Variants in EFR3A observed in about 807,000 individuals in gnomAD.
EFR3A encodes protein EFR3 homolog A.
EFR3A carries 76 observed loss-of-function variants against 104.4 expected under a neutral mutation model. The ratio of observed to expected loss-of-function variants is 0.73; its 90% confidence interval spans 0.60 to 0.88. The LOEUF (loss-of-function observed/expected upper bound fraction) is 0.88, where lower values mean the gene tolerates loss of function less well. EFR3A is among the 40% of genes least tolerant of loss of function. EFR3A has a pLI of 0.00. For missense variants in EFR3A, 985 were observed against 1,012.5 expected, an observed-to-expected ratio of 0.97 and a Z score of 0.37; for synonymous variants, 330 against 330.0, an observed-to-expected ratio of 1.00 and a Z score of 0.00.
chr8:131,968,490 T>C lies in EFR3A; in HGVS notation c.991+60T>C. ...GATCTGGTTCAAAGTGTCCTTTCAG[T>C]ATGCATAGCAGTGTATGAAGAACTC... On this transcript the variant is annotated intron_variant, in intron 9 of 22. Coordinates refer to ENST00000254624, the MANE Select transcript of EFR3A (RefSeq NM_015137.6). 2.6e-6 allele frequency: 4 copies of C among 1,526,378 alleles called. No individual in the cohort carries two copies. The East Asian group carries it at 6.8e-5, about 26-fold the overall frequency. 94.6% of individuals were successfully genotyped at this position (1,526,378 alleles called of 1,614,324 possible). A position where few individuals can be genotyped will look rare whatever the true frequency, so the allele number is the denominator to read the frequency against.
In EFR3A at chr8:131,970,600, CAAT is replaced by C. The variant is rs749649632; in HGVS notation, c.1117_1119del (p.Asn373del). ...TCAACTTAAATACAAGTTCCAAAGA[CAAT>C]GATGAGAAGATTGTGCAGAATGCTA... On this transcript the variant is annotated inframe_deletion, in exon 10 of 23. Transcript: ENST00000254624. 13 of 1,613,798 alleles carry C rather than the reference CAAT, an allele frequency of 8.1e-6. No individual in the cohort carries two copies. The highest frequency in any genetic ancestry group is 6.7e-5 in the East Asian group (3 of 44,842).
chr8:131,906,430 A>T (rs561194302), intron 1 of EFR3A, among the ~76,000 whole-genome samples: 1 of 152,342 alleles, frequency 6.6e-6, no homozygotes, highest in African/African-American at 2.4e-5. Flanking sequence ...AGTTTTAATT[A>T]AAATCAAAGG....
intron 1 of EFR3A, chr8:131,938,235 A>T: frequency 2.5e-6 from 1 of 397,980 alleles, no homozygotes; most frequent in Non-Finnish European, 4.4e-6. Flanking sequence ...ATGAAGGACT[A>T]TGTTCAGGTA....
chr8:131,986,149 G>A (rs777378937), intron 16 of EFR3A, 45 bp from the exon 17 acceptor site: 7 of 1,035,828 alleles, frequency 6.8e-6, no homozygotes, highest in Admixed American at 1.9e-5. Flanking sequence ...AAGGTACTGA[G>A]GGGTAGGGTT....
intron 14 of EFR3A, among the ~76,000 whole-genome samples, chr8:131,980,559 T>C (rs1302924620): frequency 1.3e-5 from 2 of 152,100 alleles, no homozygotes; most frequent in African/African-American, 2.4e-5. Flanking sequence ...ATTATATACA[T>C]TTATGGGATA....
chr8:132,010,407 G>GAT (rs66644698), intron 22 of EFR3A, among the ~76,000 whole-genome samples: 1,896 of 81,266 alleles, frequency 0.023, 16 homozygotes, highest in Non-Finnish European at 0.029. Context: ...TCAAGTATGA[G>GAT]ATATATATAT....
intron 5 of EFR3A, 44 bp downstream of exon 5, chr8:131,950,134 G>C (rs780677667): frequency 6.6e-7 from 1 of 1,518,080 alleles, no homozygotes; most frequent in Non-Finnish European, 8.9e-7. Flanking sequence ...GTAATTTAGA[G>C]ATTAATATTG....
chr8:131,991,993 G>T (rs570595027), intron 18 of EFR3A, among the ~76,000 whole-genome samples: 4 of 152,126 alleles, frequency 2.6e-5, no homozygotes, highest in African/African-American at 7.2e-5. Context: ...TGATTTTGCC[G>T]CTCAGTGACC....
chr8:131,987,835 A>G (rs1820969939), intron 18 of EFR3A, 133 bp downstream of exon 18: 5 of 923,694 alleles, frequency 5.4e-6, no homozygotes, highest in Non-Finnish European at 7.9e-6. Context: ...TCAAATGCTT[A>G]AGAGTATTTA....
intron 1 of EFR3A, among the ~76,000 whole-genome samples, chr8:131,905,581 G>A (rs894987315): frequency 3.9e-5 from 6 of 152,146 alleles, no homozygotes; most frequent in Non-Finnish European, 5.9e-5. Context: ...ACACTACTGT[G>A]TGTCCTTAAC....
chr8:131,908,169 T>C (rs1816343152), intron 1 of EFR3A, among the ~76,000 whole-genome samples: 1 of 152,038 alleles, frequency 6.6e-6, no homozygotes, highest in Non-Finnish European at 1.5e-5. Flanking sequence ...CAAGCAGTTC[T>C]CCTGTCTCAG....
At chr8:131,924,508 T>C (rs1257586397) in intron 1 of EFR3A, among the ~76,000 whole-genome samples, 1 of 152,150 alleles carries the variant, frequency 6.6e-6, no homozygotes, top group African/African-American at 2.4e-5. Flanking sequence ...CATTATATGC[T>C]TGTACAGCTA....
At chr8:131,987,473 A>G (rs1820944172) in intron 17 of EFR3A, 102 bp from the exon 18 acceptor site, 3 of 1,270,816 alleles carry the variant, frequency 2.4e-6, no homozygotes, top group Non-Finnish European at 3.2e-6. Context: ...TTGTGTTTAT[A>G]TTTAGAATAT....
At chr8:131,986,293 G>A in intron 17 of EFR3A, 32 bp downstream of exon 17, 3 of 1,162,784 alleles carry the variant, frequency 2.6e-6, no homozygotes, top group Non-Finnish European at 1.3e-6. Context: ...TAAGGATGGG[G>A]TACTGACTTG....
chr8:131,998,338 CTT>C (rs1213352750), intron 19 of EFR3A, among the ~76,000 whole-genome samples: 1 of 152,014 alleles, frequency 6.6e-6, no homozygotes, highest in African/African-American at 2.4e-5. Context: ...TAAAAAATAA[CTT>C]TTTTGTTTGA....
intron 18 of EFR3A, among the ~76,000 whole-genome samples, chr8:131,993,399 A>C (rs1821305866): frequency 6.6e-6 from 1 of 152,182 alleles, no homozygotes; most frequent in Admixed American, 6.5e-5. Flanking sequence ...CAGAGAGGAC[A>C]GAAATTGCAA....
intron 8 of EFR3A, among the ~76,000 whole-genome samples, chr8:131,961,106 T>C (rs1819295823): frequency 6.6e-6 from 1 of 152,024 alleles, no homozygotes; most frequent in Non-Finnish European, 1.5e-5. Context: ...ACCACAAAGA[T>C]GGGGAAAAAC....
At chr8:131,908,760 C>A (rs571938268) in intron 1 of EFR3A, among the ~76,000 whole-genome samples, 2 of 152,320 alleles carry the variant, frequency 1.3e-5, no homozygotes, top group Non-Finnish European at 2.9e-5. Context: ...CAGTTTTACA[C>A]TGTCACTTTT....
intron 1 of EFR3A, among the ~76,000 whole-genome samples, chr8:131,913,914 G>T (rs1182891223): frequency 6.6e-6 from 1 of 152,172 alleles, no homozygotes; most frequent in Non-Finnish European, 1.5e-5. Context: ...ATCTGACTTG[G>T]ATTGTTTTAT....
Sources: gnomAD v4.1 joint callset for allele counts (sites outside exome capture counted in the v4.1 genomes callset) on GRCh38, gnomAD v4.1.1 for gene constraint, MANE v1.5 for transcripts, NCBI Gene and HGNC (gene_info 2026-07-23, HGNC 2026-07-21) for gene names.